The following SPOCK1 variants were observed in gnomAD, a reference collection of about 807,000 sequenced individuals.
SPOCK1 encodes SPARC (osteonectin), cwcv and kazal like domains proteoglycan 1, also known as testican-1.
A neutral mutation model predicts 55.3 loss-of-function variants in SPOCK1; 23 were observed. The observed-to-expected ratio is 0.42, with a 90% CI of 0.30 to 0.59. The LOEUF is 0.59. SPOCK1 is among the 20% of genes least tolerant of loss of function. SPOCK1 has a pLI of 0.22. For missense variants in SPOCK1, 499 were observed against 552.5 expected, an observed-to-expected ratio of 0.90 and a Z score of 0.97; for synonymous variants, 226 against 221.0, an observed-to-expected ratio of 1.02 and a Z score of -0.20.
intron 2 of SPOCK1, among the ~76,000 whole-genome samples, chr5:137,461,402 G>A (rs971695178): frequency 2.6e-5 from 4 of 152,194 alleles, no homozygotes; most frequent in Admixed American, 2.0e-4. Flanking sequence ...GAAAAACCAT[G>A]GGGAACCAGC....
chr5:137,212,768 T>C (rs1038145361), intron 3 of SPOCK1, among the ~76,000 whole-genome samples: 13 of 152,236 alleles, frequency 8.5e-5, no homozygotes, highest in African/African-American at 2.9e-4. Flanking sequence ...TGCTTTACCC[T>C]GAAGCTGAGC....
At chr5:137,111,689 T>C (rs1409995742) in intron 5 of SPOCK1, among the ~76,000 whole-genome samples, 1 of 152,194 alleles carries the variant, frequency 6.6e-6, no homozygotes, top group Non-Finnish European at 1.5e-5. Context: ...CTCCTTTCTC[T>C]ACTTCCATAA....
intron 3 of SPOCK1, among the ~76,000 whole-genome samples, chr5:137,184,535 T>C (rs1386398555): frequency 6.6e-6 from 1 of 152,116 alleles, no homozygotes; most frequent in African/African-American, 2.4e-5. Context: ...GTAGCAGAGG[T>C]TCTGGCCAGA....
intron 3 of SPOCK1, among the ~76,000 whole-genome samples, chr5:137,257,707 C>T (rs951835541): frequency 3.3e-5 from 5 of 152,240 alleles, no homozygotes; most frequent in Non-Finnish European, 5.9e-5. Flanking sequence ...TCCCCTTCCT[C>T]TCTACCTCCA....
intron 6 of SPOCK1, among the ~76,000 whole-genome samples, chr5:137,002,619 C>G (rs1245549486): frequency 6.6e-6 from 1 of 152,176 alleles, no homozygotes; most frequent in Non-Finnish European, 1.5e-5. Flanking sequence ...TCATACCCAG[C>G]AGTTTTACTG....
chr5:137,409,273 T>C (rs1752162505), intron 2 of SPOCK1, among the ~76,000 whole-genome samples: 1 of 152,236 alleles, frequency 6.6e-6, no homozygotes, highest in Non-Finnish European at 1.5e-5. Context: ...CTATTTGTTA[T>C]ACCCTTCATA....
At position 136,979,346 on chromosome 5, in the gene SPOCK1, C is replaced by T; in HGVS notation, c.1115G>A (p.Gly372Asp). The T allele has an allele frequency of 6.2e-7, 1 of 1,614,114 alleles. No homozygotes were observed. Among genetic ancestry groups the T allele is most frequent in the Non-Finnish European group, 8.5e-7 (1 of 1,179,982 alleles). Reference protein sequence around the residue: ...GNELAGSRKQGAVSCEEEQET... With the variant: ...GNELAGSRKQDAVSCEEEQET... ...GCCTTACTCACCACAGCTCACAGCA[C>T]CCTGTTTCCTGGAGCCAGCCAACTC... The change falls in exon 10 of 11, where the codon GGT (glycine) becomes GAT (aspartate). Residue 372 changes from glycine to aspartate, a missense_variant. Gly to Asp is a moderately conservative substitution (Grantham distance 94). Around this residue, in one of 3 missense-constraint regions of SPOCK1, gnomAD observed 83 missense variants for 87.5 expected, o/e 0.95. Transcript: ENST00000394945.
chr5:137,481,736 G>T (rs2950954), intron 2 of SPOCK1, among the ~76,000 whole-genome samples: 56,345 of 152,014 alleles, frequency 0.37, 10,562 homozygotes, highest in East Asian at 0.46. Context: ...CTGCAGGTCT[G>T]TGTGAGCACC....
At chr5:137,320,783 G>A (rs963086048) in intron 2 of SPOCK1, among the ~76,000 whole-genome samples, 1 of 152,140 alleles carries the variant, frequency 6.6e-6, no homozygotes, top group Non-Finnish European at 1.5e-5. Context: ...TTCCCTATAA[G>A]AAAAACCATA....
chr5:137,278,986 C>T lies in SPOCK1; in HGVS notation c.187-11931G>A, dbSNP rs529174537. Among the ~76,000 whole-genome samples, 312 of 152,178 alleles carry T rather than the reference C, an allele frequency of 2.1e-3. 6 individuals are homozygous for T. Among genetic ancestry groups the T allele is most frequent in the Admixed American group, 1.1e-3 (17 of 15,300 alleles). ...CCCAGGGGGAATGCTATTATCTGGT[C>T]CCGCTTATTTAGGGCCTGGGCACCC... On this transcript the variant is annotated intron_variant, in intron 2 of 10. Coordinates refer to ENST00000394945, the MANE Select transcript of SPOCK1 (RefSeq NM_004598.4).
chr5:137,388,411 G>T (rs145642705), intron 2 of SPOCK1, among the ~76,000 whole-genome samples: 1 of 152,072 alleles, frequency 6.6e-6, no homozygotes, highest in Non-Finnish European at 1.5e-5. Context: ...GGGAGGGAGG[G>T]GGGGAAATGA....
At chr5:137,220,296 T>C (rs559798053) in intron 3 of SPOCK1, among the ~76,000 whole-genome samples, 9 of 152,216 alleles carry the variant, frequency 5.9e-5, no homozygotes, top group Non-Finnish European at 1.0e-4. Flanking sequence ...TTCTCTCATT[T>C]TGGGGGGCAT....
chr5:137,046,769 G>A (rs1010587852), intron 6 of SPOCK1, among the ~76,000 whole-genome samples: 3 of 35,528 alleles, frequency 8.4e-5, no homozygotes, highest in African/African-American at 7.4e-5. Flanking sequence ...GATATTGGCT[G>A]TGGGTTTGTC....
intron 6 of SPOCK1, among the ~76,000 whole-genome samples, chr5:137,006,459 T>C (rs1271610020): frequency 6.6e-6 from 1 of 152,196 alleles, no homozygotes; most frequent in Admixed American, 6.5e-5. Context: ...TTTATTCTCT[T>C]TGTAGCAATT....
chr5:137,400,459 A>G (rs1751951032), intron 2 of SPOCK1, among the ~76,000 whole-genome samples: 1 of 152,192 alleles, frequency 6.6e-6, no homozygotes, highest in South Asian at 2.1e-4. Context: ...TAGAGTCTCT[A>G]CCCACATGTA....
chr5:137,352,455 T>C (rs1035530772), intron 2 of SPOCK1, among the ~76,000 whole-genome samples: 3 of 152,270 alleles, frequency 2.0e-5, no homozygotes, highest in Non-Finnish European at 2.9e-5. Context: ...CTTGGACATA[T>C]GATTGCTAAA....
intron 4 of SPOCK1, among the ~76,000 whole-genome samples, chr5:137,121,921 C>T (rs1220916373): frequency 6.9e-6 from 1 of 144,392 alleles, no homozygotes; most frequent in Non-Finnish European, 1.5e-5. Flanking sequence ...ATAAATAATA[C>T]TGTTATTATA....
At chr5:136,983,334 C>G (rs1038066908) in intron 9 of SPOCK1, among the ~76,000 whole-genome samples, 1 of 152,140 alleles carries the variant, frequency 6.6e-6, no homozygotes, top group African/African-American at 2.4e-5. Flanking sequence ...TGCTACTCAC[C>G]AGGCTATACC....
At chr5:137,040,155 G>A (rs1325540601) in intron 6 of SPOCK1, among the ~76,000 whole-genome samples, 3 of 152,210 alleles carry the variant, frequency 2.0e-5, no homozygotes, top group African/African-American at 4.8e-5. Context: ...CGCAGAGACT[G>A]GGCTCTGAGC....
Sources: gnomAD v4.1 joint callset for allele counts (sites outside exome capture counted in the v4.1 genomes callset) on GRCh38, gnomAD v4.1.1 for gene constraint, gnomAD v4.1.1 regional missense constraint, MANE v1.5 for transcripts, NCBI Gene and HGNC (gene_info 2026-07-23, HGNC 2026-07-21) for gene names.